NCALD: variants seen among roughly 807,000 people sequenced by gnomAD.
NCALD encodes neurocalcin delta.
NCALD carries 10 observed loss-of-function variants against 18.6 expected under a neutral mutation model. The observed-to-expected ratio is 0.54, with a 90% CI of 0.33 to 0.91. The LOEUF is 0.91. Among genes scored for constraint, NCALD ranks in the 40% least tolerant of loss-of-function variants. The pLI is 0.03. For synonymous variants in NCALD, 88 were observed against 87.4 expected (o/e 1.01, Z -0.04); for missense variants, 184 against 247.6 (o/e 0.74, Z 1.72).
chr8:101,980,308 G>A (rs11786660), intron 2 of NCALD, among the ~76,000 whole-genome samples: 33,697 of 152,098 alleles, frequency 0.22, 4,535 homozygotes, highest in Non-Finnish European at 0.29. Context: ...TGGCACAGGC[G>A]GCGTTTTACT....
chr8:101,791,642 C>T (rs1812448569), upstream of NCALD, among the ~76,000 whole-genome samples: 1 of 152,096 alleles, frequency 6.6e-6, no homozygotes, highest in African/African-American at 2.4e-5. Flanking sequence ...AACATAAATT[C>T]AGGATTCCTG....
In NCALD at chr8:102,098,580, T is replaced by C. The variant is rs529649102; in HGVS notation, c.-210+25657A>G. Among the ~76,000 whole-genome samples the C allele has an allele frequency of 2.0e-5, 3 of 152,358 alleles. No homozygotes were observed. The East Asian group carries it at 5.8e-4, about 29-fold the overall frequency. On this transcript the variant is annotated intron_variant, in intron 1 of 6. Coordinates refer to the NCALD transcript ENST00000311028. The stretch of plus-strand genomic sequence containing the variant: ...CTCTCTTAAATCACTCCTTATACAT[T>C]CATTTAATCAGCAACCATAATTGAG...
At chr8:101,732,526 T>C (rs1028452457) in intron 1 of NCALD, among the ~76,000 whole-genome samples, 1 of 150,938 alleles carries the variant, frequency 6.6e-6, no homozygotes, top group African/African-American at 2.4e-5. Flanking sequence ...GTATCCTACA[T>C]AGGACAGGGA....
At chr8:101,831,656 G>A (rs1814192633) in intron 4 of NCALD, among the ~76,000 whole-genome samples, 1 of 151,922 alleles carries the variant, frequency 6.6e-6, no homozygotes, top group South Asian at 2.1e-4. Context: ...ACAGTTCCTT[G>A]TGGCCCCTGA....
At chr8:101,690,173 G>A (rs1814656523) in intron 3 of NCALD, 1 of 909,948 alleles carries the variant, frequency 1.1e-6, no homozygotes, top group Non-Finnish European at 1.3e-6. Flanking sequence ...TTCTCTTCCA[G>A]GAAGGCCTGT....
At chr8:101,870,399 C>A (rs1045830009) in intron 4 of NCALD, among the ~76,000 whole-genome samples, 2 of 152,098 alleles carry the variant, frequency 1.3e-5, no homozygotes, top group African/African-American at 4.8e-5. Flanking sequence ...CACCAAGATC[C>A]CTTTGTTCAC....
chr8:101,738,552 C>CAAAAAAAAAAAAAAAAAAAAAA (rs34205453), intron 1 of NCALD, among the ~76,000 whole-genome samples: 1 of 127,916 alleles, frequency 7.8e-6, no homozygotes, highest in Non-Finnish European at 1.6e-5. Context: ...CTCAAAAAAA[C>CAAAAAAAAAAAAAAAAAAAAAA]AAAAAAAAAA....
intron 2 of NCALD, among the ~76,000 whole-genome samples, chr8:101,974,835 G>A (rs1820364842): frequency 6.6e-6 from 1 of 152,152 alleles, no homozygotes; most frequent in Non-Finnish European, 1.5e-5. Flanking sequence ...AGAAAGGACA[G>A]GAAATGGAAA....
intron 4 of NCALD, among the ~76,000 whole-genome samples, chr8:101,854,968 A>T (rs1815248850): frequency 6.6e-6 from 1 of 152,106 alleles, no homozygotes; most frequent in East Asian, 1.9e-4. Context: ...GCCCACACAA[A>T]TATAGCAGCA....
intron 4 of NCALD, among the ~76,000 whole-genome samples, chr8:101,867,242 CT>C (rs1815809530): frequency 6.6e-6 from 1 of 152,182 alleles, no homozygotes; most frequent in African/African-American, 2.4e-5. Context: ...CAAACCGCCC[CT>C]ACCTTCAATT....
chr8:101,750,020 T>A (rs1276645082), intron 1 of NCALD: 2 of 152,508 alleles, frequency 1.3e-5, no homozygotes, highest in Non-Finnish European at 2.9e-5. Context: ...TCAGCATGGC[T>A]GGGGAGGCCT....
Position 101,686,723 on chromosome 8 carries a change from G to C in NCALD, c.*2586C>G, listed in dbSNP as rs1465288185. Reference sequence around the variant, plus strand: ...CTCTGAATGATGTATGAACAGTTGAGCACTCTGTAGAATCCTTCAGGTCGT... The same window carrying C: ...CTCTGAATGATGTATGAACAGTTGACCACTCTGTAGAATCCTTCAGGTCGT... On this transcript the variant is annotated 3_prime_UTR_variant, in exon 4 of 4. Transcript: ENST00000220931. The C allele has an allele frequency of 6.6e-6, 1 of 152,592 alleles. No homozygotes were observed. The highest frequency in any genetic ancestry group is 6.5e-5 in the Admixed American group (1 of 15,276). 9.5% of individuals were successfully genotyped at this position (152,592 alleles called of 1,614,324 possible). A position where few individuals can be genotyped will look rare whatever the true frequency, so the allele number is the denominator to read the frequency against.
At chr8:102,039,862 C>T (rs191981540) in intron 1 of NCALD, among the ~76,000 whole-genome samples, 16 of 152,208 alleles carry the variant, frequency 1.1e-4, no homozygotes, top group Admixed American at 3.9e-4. Context: ...ACTACCCACC[C>T]CCAAACACTT....
intron 4 of NCALD, among the ~76,000 whole-genome samples, chr8:101,823,603 GA>G (rs200672890): frequency 1.1e-4 from 17 of 151,596 alleles, no homozygotes; most frequent in Admixed American, 2.0e-4. Context: ...TCAACAGTAT[GA>G]AAAAAAAATT....
At chr8:101,877,048 G>A (rs1200834018) in intron 4 of NCALD, among the ~76,000 whole-genome samples, 1 of 152,162 alleles carries the variant, frequency 6.6e-6, no homozygotes, top group Non-Finnish European at 1.5e-5. Flanking sequence ...TAAGTCTTAA[G>A]TAAAAAATAA....
chr8:101,797,796 T>G (rs1324335343), intron 4 of NCALD, among the ~76,000 whole-genome samples: 1 of 151,008 alleles, frequency 6.6e-6, no homozygotes, highest in African/African-American at 2.4e-5. Context: ...AGCCTGGTGA[T>G]ACAGTGAGAC....
intron 2 of NCALD, among the ~76,000 whole-genome samples, chr8:101,993,693 A>T (rs935793957): frequency 1.3e-5 from 2 of 151,990 alleles, no homozygotes; most frequent in Non-Finnish European, 2.9e-5. Context: ...CCTGCTACTG[A>T]CTCTCCATTG....
intron 2 of NCALD, among the ~76,000 whole-genome samples, chr8:101,979,869 C>T (rs762783500): frequency 3.9e-5 from 6 of 152,170 alleles, no homozygotes; most frequent in Non-Finnish European, 5.9e-5. Context: ...AGTCTAGATG[C>T]CCCAGAGACC....
intron 2 of NCALD, among the ~76,000 whole-genome samples, chr8:101,715,370 A>G (rs1816026366): frequency 6.6e-6 from 1 of 152,240 alleles, no homozygotes; most frequent in African/African-American, 2.4e-5. Context: ...TAAAACCATA[A>G]AAACCCTAGA....
Sources: allele counts gnomAD v4.1 joint callset (sites outside exome capture counted in the v4.1 genomes callset), GRCh38; gene constraint gnomAD v4.1.1; transcripts MANE v1.5; gene names NCBI Gene and HGNC (gene_info 2026-07-23, HGNC 2026-07-21).